Variants in PIR observed in about 807,000 individuals in gnomAD.
The protein encoded by PIR is pirin (iron-binding nuclear protein).
PIR carries 22 observed loss-of-function variants against 24.2 expected under a neutral mutation model. The ratio of observed to expected loss-of-function variants is 0.91; its 90% CI spans 0.65 to 1.30. The LOEUF is 1.30. PIR is among the 50% of genes most tolerant of loss of function. The pLI is 0.00. For synonymous variants in PIR, 80 were observed against 79.6 expected, an observed-to-expected ratio of 1.00 and a Z score of -0.03; for missense variants, 220 against 220.3, an observed-to-expected ratio of 1.00 and a Z score of 0.01.
chrX:15,424,049 C>A (rs1031268312), intron 6 of PIR, among the ~76,000 whole-genome samples: 1 of 112,229 alleles, frequency 8.9e-6, no homozygotes, highest in Non-Finnish European at 1.9e-5. Flanking sequence ...ACCATATAAT[C>A]CAGCAATTCA....
chrX:15,486,594 T>C (rs775144696), intron 2 of PIR, among the ~76,000 whole-genome samples: 1 of 111,983 alleles, frequency 8.9e-6, no homozygotes, highest in Non-Finnish European at 1.9e-5. Flanking sequence ...AGCTACAACG[T>C]AGAAGTTGCA....
intron 3 of PIR, among the ~76,000 whole-genome samples, chrX:15,479,469 C>T (rs1243643897): frequency 1.8e-5 from 2 of 110,191 alleles, no homozygotes; most frequent in Non-Finnish European, 3.8e-5. Context: ...ATTCTATCCC[C>T]AATGAATTAT....
At chrX:15,469,111 T>C (rs1486734209) in intron 3 of PIR, among the ~76,000 whole-genome samples, 1 of 111,692 alleles carries the variant, frequency 9.0e-6, no homozygotes, top group Non-Finnish European at 1.9e-5. Context: ...AAGTATTTTA[T>C]AGAATACTCC....
At chrX:15,449,090 T>C (rs1057056494) in intron 5 of PIR, among the ~76,000 whole-genome samples, 2 of 111,802 alleles carry the variant, frequency 1.8e-5, no homozygotes, top group Non-Finnish European at 3.8e-5. Context: ...ACAGAATGGC[T>C]GTGTGAATCT....
At chrX:15,486,991 A>G (rs1922870400) in intron 2 of PIR, among the ~76,000 whole-genome samples, 1 of 112,333 alleles carries the variant, frequency 8.9e-6, no homozygotes, top group African/African-American at 3.2e-5. Context: ...GTCAGCCTAC[A>G]TCAAGACAAT....
At chrX:15,388,036 C>T (rs1372796868) in intron 9 of PIR, among the ~76,000 whole-genome samples, 1 of 111,794 alleles carries the variant, frequency 8.9e-6, no homozygotes, top group African/African-American at 3.3e-5. Context: ...ACTGATGAAG[C>T]TTATCTCCTC....
At chrX:15,415,260 G>A (rs867186123) in intron 6 of PIR, among the ~76,000 whole-genome samples, 77 of 111,600 alleles carry the variant, frequency 6.9e-4, no homozygotes, top group African/African-American at 2.3e-3. Flanking sequence ...TCACAGGGTC[G>A]TGAGGATTAC....
intron 5 of PIR, among the ~76,000 whole-genome samples, chrX:15,450,353 C>G (rs988584098): frequency 9.3e-6 from 1 of 107,886 alleles, no homozygotes; most frequent in Non-Finnish European, 1.9e-5. Flanking sequence ...CTCTCACACT[C>G]TCTGCCATTA....
At chrX:15,398,102 T>C (rs868272593) in intron 7 of PIR, among the ~76,000 whole-genome samples, 1 of 102,098 alleles carries the variant, frequency 9.8e-6, no homozygotes, top group Admixed American at 1.1e-4. Context: ...GACCCTTGGG[T>C]GGGGGTAGGG....
In PIR at chrX:15,468,240, A is replaced by T. The variant is rs193094971; in HGVS notation, c.190-8500T>A. 3.6e-5 allele frequency among the ~76,000 whole-genome samples: 4 copies of T among 112,584 alleles called. No homozygotes were observed. The Admixed American group carries it at 3.8e-4, about 11-fold the overall frequency. ...AACCAGACCTATGTCTCGCCAACAG[A>T]TCCACTGATTACTAAATATGTCTTG... On this transcript the variant is annotated intron_variant, in intron 3 of 9. Coordinates refer to ENST00000380420, the MANE Select transcript of PIR (RefSeq NM_001018109.3).
intron 5 of PIR, among the ~76,000 whole-genome samples, chrX:15,454,393 T>C (rs1186264031): frequency 1.8e-5 from 2 of 110,339 alleles, no homozygotes; most frequent in African/African-American, 6.6e-5. Context: ...TGAACTTTGA[T>C]TTTTTTGTCG....
intron 2 of PIR, among the ~76,000 whole-genome samples, chrX:15,486,044 ACTT>A (rs1202006999): frequency 9.1e-6 from 1 of 109,468 alleles, no homozygotes; most frequent in African/African-American, 3.3e-5. Context: ...CTTCCAATCT[ACTT>A]CTTTTAGTCT....
Position 15,493,267 on chromosome X carries a change from G to T in PIR, c.-130C>A, listed in dbSNP as rs1276386473. The T allele has an allele frequency of 4.5e-5, 5 of 112,202 alleles. No homozygotes were observed. Among genetic ancestry groups the T allele is most frequent in the African/African-American group, 1.6e-4 (5 of 30,799 alleles). 9.2% of individuals were successfully genotyped at this position (112,202 alleles called of 1,213,427 possible). ...CCGGGAGCGAGTGCAGGGAGGGCAG[G>T]TTAAGAGAGTGTGGGTCCAGTAGCC... On this transcript the variant is annotated 5_prime_UTR_variant, in exon 1 of 10. Coordinates refer to ENST00000380420, the MANE Select transcript of PIR (RefSeq NM_001018109.3).
intron 3 of PIR, among the ~76,000 whole-genome samples, chrX:15,472,134 C>T (rs1434832324): frequency 8.9e-6 from 1 of 112,061 alleles, no homozygotes; most frequent in Non-Finnish European, 1.9e-5. Flanking sequence ...CTTCACTAAC[C>T]ATGAGGGCAC....
At chrX:15,440,490 G>A (rs1925879407) in intron 5 of PIR, among the ~76,000 whole-genome samples, 1 of 110,239 alleles carries the variant, frequency 9.1e-6, no homozygotes, top group South Asian at 3.9e-4. Flanking sequence ...ATAAATACTA[G>A]GAATGAAGTT....
intron 5 of PIR, among the ~76,000 whole-genome samples, chrX:15,451,910 C>A (rs1270378000): frequency 8.9e-6 from 1 of 112,136 alleles, no homozygotes; most frequent in African/African-American, 3.2e-5. Flanking sequence ...TACTCTGCAC[C>A]TGTTCTAAGT....
chrX:15,400,537 C>T (rs913010836), intron 7 of PIR, among the ~76,000 whole-genome samples: 3 of 110,909 alleles, frequency 2.7e-5, no homozygotes, highest in Admixed American at 1.9e-4. Flanking sequence ...TCTCTGCACC[C>T]CCTATCAGGG....
chrX:15,404,478 C>T lies in PIR; in HGVS notation c.610+3028G>A, dbSNP rs73449325. Among the ~76,000 whole-genome samples the T allele has an allele frequency of 1.3e-3, 145 of 111,918 alleles. 2 individuals are homozygous for T. The highest frequency in any genetic ancestry group is 4.3e-3 in the African/African-American group (131 of 30,808). On this transcript the variant is annotated intron_variant, in intron 7 of 9. Coordinates refer to ENST00000380420, the MANE Select transcript of PIR (RefSeq NM_001018109.3). ...AAGTTGCAGCCCATTTATTCCAGCCCGATACACCAAGTATATATATATTCA... is the reference window on the plus strand; with the variant it reads ...AAGTTGCAGCCCATTTATTCCAGCCTGATACACCAAGTATATATATATTCA...
chrX:15,385,264 C>G (rs950788812), intron 9 of PIR, 148 bp from the exon 10 acceptor site: 5 of 364,699 alleles, frequency 1.4e-5, no homozygotes, highest in Non-Finnish European at 1.9e-5. Flanking sequence ...TGTTCAATCC[C>G]CAAGGACTGT....
Sources: gnomAD v4.1 joint callset for allele counts (sites outside exome capture counted in the v4.1 genomes callset) on GRCh38, gnomAD v4.1.1 for gene constraint, MANE v1.5 for transcripts, NCBI Gene and HGNC (gene_info 2026-07-23, HGNC 2026-07-21) for gene names.